The following CIMAP1C variants were observed in gnomAD, a reference collection of about 807,000 sequenced individuals.
CIMAP1C encodes the protein ciliary microtubule associated protein 1C, also known as outer dense fiber of sperm tails 3 like 1.
At chr15:75,724,314 A>C in the CIMAP1C span, 1 of 1,608,000 alleles carries the variant, frequency 6.2e-7, no homozygotes, top group Non-Finnish European at 8.5e-7. Flanking sequence ...GGCCAAGATC[A>C]AAGGTGAGAG....
chr15:75,727,129 T>TC, the CIMAP1C span: 1 of 1,613,938 alleles, frequency 6.2e-7, no homozygotes, highest in Non-Finnish European at 8.5e-7. Context: ...AACGCAGGGC[T>TC]CCCCAGTACA....
At chr15:75,726,393 G>A in the CIMAP1C span, among the ~76,000 whole-genome samples, 1 of 152,288 alleles carries the variant, frequency 6.6e-6, no homozygotes, top group South Asian at 2.1e-4. Context: ...TGATGACATG[G>A]AGCTCCTGTT....
At chr15:75,725,989 G>T in the CIMAP1C span, 1 of 987,036 alleles carries the variant, frequency 1.0e-6, no homozygotes, top group East Asian at 2.6e-5. Context: ...ATCTTGCCTG[G>T]AGGCAGGCCA....
the CIMAP1C span, chr15:75,726,115 G>A: frequency 1.5e-5 from 25 of 1,613,974 alleles, no homozygotes; most frequent in South Asian, 5.5e-5. Flanking sequence ...AAAATAACTC[G>A]GTTTGGAATG....
the CIMAP1C span, among the ~76,000 whole-genome samples, chr15:75,725,426 C>A: frequency 2.7e-4 from 41 of 152,340 alleles, 1 homozygote; most frequent in South Asian, 8.3e-3. Context: ...TATAGGGGAT[C>A]CTGGCCCTGT....
the CIMAP1C span, chr15:75,726,097 T>C: frequency 1.2e-6 from 2 of 1,613,860 alleles, no homozygotes; most frequent in Non-Finnish European, 1.7e-6. Context: ...TGCTATCTCT[T>C]GGATCCCAAA....
chr15:75,727,533 G>A, the CIMAP1C span: 20 of 1,578,690 alleles, frequency 1.3e-5, no homozygotes, highest in Middle Eastern at 1.7e-4. Flanking sequence ...ATCGACATTC[G>A]TGACTGAGGC....
chr15:75,726,756 C>T, the CIMAP1C span, among the ~76,000 whole-genome samples: 8 of 152,128 alleles, frequency 5.3e-5, no homozygotes, highest in Admixed American at 3.9e-4. Context: ...GCTGGGATTA[C>T]AGGTGCACGC....
At chr15:75,725,498 G>A in the CIMAP1C span, among the ~76,000 whole-genome samples, 3 of 152,172 alleles carry the variant, frequency 2.0e-5, no homozygotes, top group East Asian at 1.9e-4. Flanking sequence ...AGCTCCGGTC[G>A]CCATGCTCTG....
At chr15:75,727,404 A>C in the CIMAP1C span, 4 of 1,613,794 alleles carry the variant, frequency 2.5e-6, no homozygotes, top group Non-Finnish European at 3.4e-6. Context: ...TACCCTCTGG[A>C]CCTCACGCCA....
the CIMAP1C span, chr15:75,725,082 G>C: frequency 6.5e-7 from 1 of 1,549,324 alleles, no homozygotes. Context: ...GGCCCAGGCT[G>C]AGGGCTGTCC....
At chr15:75,727,684 A>G in the CIMAP1C span, 2 of 874,380 alleles carry the variant, frequency 2.3e-6, no homozygotes, top group East Asian at 2.6e-5. Flanking sequence ...ATACATTTTC[A>G]TGTATTTGTT....
At chr15:75,724,405 TTCC>T in the CIMAP1C span, 4 of 876,716 alleles carry the variant, frequency 4.6e-6, no homozygotes, top group South Asian at 5.7e-5. Flanking sequence ...CCCTTCCAAC[TTCC>T]TTGAAGCCTT....
the CIMAP1C span, chr15:75,726,017 C>G: frequency 6.4e-6 from 9 of 1,405,634 alleles, no homozygotes; most frequent in Non-Finnish European, 8.0e-6. Flanking sequence ...AGTGGGGCAG[C>G]CTTTGGGGCT....
the CIMAP1C span, among the ~76,000 whole-genome samples, chr15:75,725,741 C>T: frequency 6.6e-6 from 1 of 152,234 alleles, no homozygotes; most frequent in Non-Finnish European, 1.5e-5. Context: ...AGGTAAGCCC[C>T]TGGCCTGGCT....
At chr15:75,727,263 C>A in the CIMAP1C span, 6 of 1,614,192 alleles carry the variant, frequency 3.7e-6, no homozygotes, top group South Asian at 5.5e-5. Context: ...TACAGTCTGG[C>A]CTCCAGGGAC....
chr15:75,727,228 C>T, the CIMAP1C span: 408 of 1,614,188 alleles, frequency 2.5e-4, 5 homozygotes, highest in East Asian at 8.2e-3. Flanking sequence ...GGCCCAACAC[C>T]CCTGTCAGCC....
the CIMAP1C span, chr15:75,725,291 C>A: frequency 1.7e-6 from 2 of 1,159,674 alleles, no homozygotes; most frequent in African/African-American, 1.5e-5. Flanking sequence ...AGACATGGAG[C>A]CATTCTCTGT....
the CIMAP1C span, chr15:75,727,561 C>T: frequency 1.5e-5 from 23 of 1,535,706 alleles, no homozygotes; most frequent in Non-Finnish European, 2.0e-5. Context: ...GGGGCACTCA[C>T]TGCCCCTCAT....
Sources: allele counts gnomAD v4.1 joint callset (sites outside exome capture counted in the v4.1 genomes callset), GRCh38; gene constraint gnomAD v4.1.1; transcripts MANE v1.5; gene names NCBI Gene and HGNC (gene_info 2026-07-23, HGNC 2026-07-21).